The following NTM variants were observed in gnomAD, a reference collection of about 807,000 sequenced individuals.
NTM encodes the protein neurotrimin, also known as IgLON family member 2.
A neutral mutation model predicts 42.1 loss-of-function variants in NTM; 13 were observed. The observed-to-expected ratio is 0.31, with a 90% confidence interval of 0.20 to 0.49. The LOEUF is 0.49. Ranked by LOEUF, NTM falls within the 20% of genes least tolerant of loss-of-function variation. The probability of loss-of-function intolerance (pLI) is 0.99; values close to 1 mark genes in which losing one functional copy is unlikely to be tolerated. For synonymous variants in NTM, 187 were observed against 179.2 expected (o/e 1.04, Z -0.35); for missense variants, 373 against 452.8 (o/e 0.82, Z 1.60).
rs1337361068 is a variant in NTM at position 132,147,214 on chromosome 11, T to TGTGTGTGA, written c.400+701_400+702insTGTGTGAG. ...GTGTGTGTGTGTGTGTGTGTGTGTG[T>TGTGTGTGA]GAGAGAGAGAGAGAGAGAGAGAGAG... On this transcript the variant is annotated intron_variant, in intron 3 of 8. Coordinates refer to ENST00000683400, the MANE Select transcript of NTM (RefSeq NM_001352005.2). Among the ~76,000 whole-genome samples the TGTGTGTGA allele has an allele frequency of 2.5e-4, 31 of 122,894 alleles. No individual in the cohort carries two copies. In the South Asian group the frequency reaches 2.5e-3, roughly 10 times the overall value. 80.6% of individuals were successfully genotyped at this position (122,894 alleles called of 152,430 possible). A position where few individuals can be genotyped will look rare whatever the true frequency, so the allele number is the denominator to read the frequency against.
rs183044367 is a variant in NTM at position 131,982,229 on chromosome 11, G to T, written c.167+70581G>T. 1.6e-3 allele frequency among the ~76,000 whole-genome samples: 240 copies of T among 152,232 alleles called. 2 individuals carry two copies. Among genetic ancestry groups the T allele is most frequent in the African/African-American group, 5.6e-3 (232 of 41,550 alleles). Reference sequence around the variant, plus strand: ...AACACACTGTTCTCATGGGAAGGGAGGCTCCTTTTTGTTTGTTTTGTGCAC... The same window carrying T: ...AACACACTGTTCTCATGGGAAGGGATGCTCCTTTTTGTTTGTTTTGTGCAC... On this transcript the variant is annotated intron_variant, in intron 2 of 8. Coordinates refer to ENST00000683400, the MANE Select transcript of NTM (RefSeq NM_001352005.2).
chr11:132,318,384 T>C (rs1289068472), intron 7 of NTM, among the ~76,000 whole-genome samples: 1 of 152,158 alleles, frequency 6.6e-6, no homozygotes, highest in Non-Finnish European at 1.5e-5. Flanking sequence ...GTGAGGTGCA[T>C]GTTGAATCTC....
chr11:132,270,793 C>T (rs2093440917), intron 4 of NTM, among the ~76,000 whole-genome samples: 1 of 151,958 alleles, frequency 6.6e-6, no homozygotes, highest in African/African-American at 2.4e-5. Flanking sequence ...CCACTTGTTC[C>T]ACATCCTTGC....
intron 1 of NTM, chr11:131,662,454 T>C (rs2068243307): frequency 6.6e-6 from 1 of 152,196 alleles, no homozygotes; most frequent in African/African-American, 2.4e-5. Flanking sequence ...CGTATCTGGC[T>C]CCTAGCCCGA....
chr11:131,958,988 G>A (rs538663998), intron 2 of NTM, among the ~76,000 whole-genome samples: 14 of 152,136 alleles, frequency 9.2e-5, no homozygotes, highest in East Asian at 1.9e-4. Context: ...GGGTGCTGGC[G>A]GAAGAAACGA....
intron 1 of NTM, among the ~76,000 whole-genome samples, chr11:131,882,936 A>G (rs1468669805): frequency 6.6e-6 from 1 of 152,192 alleles, no homozygotes; most frequent in African/African-American, 2.4e-5. Flanking sequence ...GAAAATAACG[A>G]ATGAATGGGT....
At chr11:131,437,256 T>C (rs1455210741) in intron 1 of NTM, among the ~76,000 whole-genome samples, 1 of 152,214 alleles carries the variant, frequency 6.6e-6, no homozygotes, top group Non-Finnish European at 1.5e-5. Flanking sequence ...AGAATGTATA[T>C]TCTGTTGATT....
At chr11:131,641,268 C>T (rs2065097522) in intron 1 of NTM, among the ~76,000 whole-genome samples, 2 of 152,196 alleles carry the variant, frequency 1.3e-5, no homozygotes, top group South Asian at 4.1e-4. Context: ...TATTCTGCTG[C>T]TGTGATCTTA....
intron 1 of NTM, among the ~76,000 whole-genome samples, chr11:131,487,023 C>T (rs879703932): frequency 2.6e-5 from 4 of 152,100 alleles, no homozygotes; most frequent in African/African-American, 4.8e-5. Context: ...AGTAGCACCA[C>T]GCACCCACTT....
chr11:131,614,863 C>T (rs1237382036), intron 1 of NTM, among the ~76,000 whole-genome samples: 4 of 152,318 alleles, frequency 2.6e-5, no homozygotes, highest in African/African-American at 9.6e-5. Flanking sequence ...GCCTCCCTCA[C>T]GTGACCAGCA....
intron 1 of NTM, among the ~76,000 whole-genome samples, chr11:131,668,648 GAATTA>G (rs914878548): frequency 3.3e-5 from 5 of 152,132 alleles, no homozygotes; most frequent in African/African-American, 1.2e-4. Flanking sequence ...GTGAGTGAGG[GAATTA>G]AATTAAGGAA....
At chr11:131,691,648 G>T (rs2074750543) in intron 1 of NTM, among the ~76,000 whole-genome samples, 1 of 152,050 alleles carries the variant, frequency 6.6e-6, no homozygotes, top group African/African-American at 2.4e-5. Flanking sequence ...ACCCCACAGC[G>T]GGTAAAGATG....
At chr11:131,553,331 A>G (rs1490781485) in intron 1 of NTM, among the ~76,000 whole-genome samples, 2 of 152,114 alleles carry the variant, frequency 1.3e-5, no homozygotes. Context: ...AAAAAGACTT[A>G]AGCAACCTGG....
intron 1 of NTM, among the ~76,000 whole-genome samples, chr11:131,735,366 T>C (rs185046640): frequency 3.1e-4 from 47 of 152,318 alleles, no homozygotes; most frequent in Admixed American, 2.1e-3. Context: ...ATAGATGTAA[T>C]GTTCAGTATA....
intron 1 of NTM, among the ~76,000 whole-genome samples, chr11:131,532,705 T>G (rs919043699): frequency 2.0e-5 from 3 of 152,272 alleles, no homozygotes; most frequent in Non-Finnish European, 4.4e-5. Context: ...AGGGTTCTGG[T>G]TTCTCGACAT....
At chr11:131,800,639 C>G in intron 1 of NTM, among the ~76,000 whole-genome samples, 1 of 152,208 alleles carries the variant, frequency 6.6e-6, no homozygotes, top group East Asian at 1.9e-4. Flanking sequence ...TTGAATACAA[C>G]AGCTTGACTC....
chr11:132,104,585 C>CA (rs1555263102), intron 2 of NTM, among the ~76,000 whole-genome samples: 3 of 138,762 alleles, frequency 2.2e-5, no homozygotes, highest in African/African-American at 5.6e-5. Context: ...GACCCCCCCC[C>CA]ACCAAAAATA....
At chr11:131,911,152 C>T (rs369926932) in intron 1 of NTM, 6 of 1,286,250 alleles carry the variant, frequency 4.7e-6, no homozygotes, top group African/African-American at 3.0e-5. Flanking sequence ...TGGGAAGAAG[C>T]GGCTCCTGAG....
chr11:132,051,044 T>A (rs2078782302), intron 2 of NTM, among the ~76,000 whole-genome samples: 1 of 152,214 alleles, frequency 6.6e-6, no homozygotes, highest in Non-Finnish European at 1.5e-5. Flanking sequence ...TAAAGACAGA[T>A]GCCTTGCTCC....
Sources: gnomAD v4.1 joint callset for allele counts (sites outside exome capture counted in the v4.1 genomes callset) on GRCh38, gnomAD v4.1.1 for gene constraint, MANE v1.5 for transcripts, NCBI Gene and HGNC (gene_info 2026-07-23, HGNC 2026-07-21) for gene names.